PKNOX2: variants seen among roughly 807,000 people sequenced by gnomAD.
PKNOX2 encodes the protein homeobox protein PKNOX2.
Under a neutral mutation model 53.1 loss-of-function variants are expected in PKNOX2, and 14 were observed. That is an observed-to-expected ratio of 0.26 (90% confidence interval 0.17 to 0.41). The LOEUF is 0.41. PKNOX2 is among the 10% of genes least tolerant of loss of function. The probability of loss-of-function intolerance (pLI) is 1.00; values close to 1 mark genes in which losing one functional copy is unlikely to be tolerated. For synonymous variants in PKNOX2, 257 were observed against 242.8 expected (o/e 1.06, Z -0.54); for missense variants, 496 against 602.8 (o/e 0.82, Z 1.85).
chr11:125,183,646 T>A (rs1019020047), intron 1 of PKNOX2, among the ~76,000 whole-genome samples: 4 of 144,336 alleles, frequency 2.8e-5, no homozygotes, highest in African/African-American at 1.0e-4. Flanking sequence ...TTTTATTAAC[T>A]TTTTTTTTTT....
chr11:125,241,627 T>C (rs1943152540), intron 2 of PKNOX2, among the ~76,000 whole-genome samples: 1 of 152,116 alleles, frequency 6.6e-6, no homozygotes, highest in African/African-American at 2.4e-5. Flanking sequence ...GAGGGCAAGG[T>C]GGGCAGATCA....
In PKNOX2 at chr11:125,240,731, A is replaced by C. The variant is rs1943080243; in HGVS notation, c.-130+5616A>C. On this transcript the variant is annotated intron_variant, in intron 2 of 12. Coordinates refer to ENST00000298282, the MANE Select transcript of PKNOX2 (RefSeq NM_001382323.2). The surrounding 1 kb of genome is among the most constrained non-coding windows in gnomAD (Gnocchi z 4.3). ...CCTCAGAGGGAGAACCGGGAGGCTT[A>C]TAAGAAGGTTCTGAAGGGTTTCCAA... 1.3e-5 allele frequency among the ~76,000 whole-genome samples: 2 copies of C among 152,164 alleles called. No individual in the cohort carries two copies. The highest frequency in any genetic ancestry group is 1.3e-4 in the Admixed American group (2 of 15,274).
intron 3 of PKNOX2, among the ~76,000 whole-genome samples, chr11:125,337,643 G>A (rs753332904): frequency 2.0e-5 from 3 of 152,130 alleles, no homozygotes; most frequent in South Asian, 2.1e-4. Context: ...CTTTCTTAGC[G>A]CTGGGATCTT....
At chr11:125,187,213 T>C (rs182893355) in intron 1 of PKNOX2, among the ~76,000 whole-genome samples, 11 of 152,332 alleles carry the variant, frequency 7.2e-5, no homozygotes, top group Non-Finnish European at 2.9e-5. Flanking sequence ...GCAATTCCAT[T>C]TGAAGTTGAG....
chr11:125,372,338 C>T (rs774734093), intron 5 of PKNOX2, among the ~76,000 whole-genome samples: 18 of 152,058 alleles, frequency 1.2e-4, no homozygotes, highest in Non-Finnish European at 2.5e-4. Context: ...CCAAACCCCA[C>T]CTAGGGAGCC....
chr11:125,205,101 T>C (rs1346846543), intron 1 of PKNOX2, among the ~76,000 whole-genome samples: 2 of 152,246 alleles, frequency 1.3e-5, no homozygotes, highest in Non-Finnish European at 1.5e-5. Flanking sequence ...GTTCATTACA[T>C]GTTACTCCTA....
chr11:125,296,705 G>T (rs1195208315), intron 2 of PKNOX2, among the ~76,000 whole-genome samples: 1 of 152,118 alleles, frequency 6.6e-6, no homozygotes, highest in Non-Finnish European at 1.5e-5. Flanking sequence ...GCGCAATCTT[G>T]CCTCACTGCA....
intron 2 of PKNOX2, among the ~76,000 whole-genome samples, chr11:125,238,029 GC>G (rs1162483643): frequency 2.0e-5 from 3 of 152,150 alleles, no homozygotes; most frequent in African/African-American, 7.2e-5. Flanking sequence ...CTTCCCCTCT[GC>G]CACATACTAT....
At chr11:125,207,510 G>A (rs899648366) in intron 1 of PKNOX2, among the ~76,000 whole-genome samples, 5 of 152,098 alleles carry the variant, frequency 3.3e-5, no homozygotes, top group Admixed American at 2.0e-4. Context: ...AACCACAAGA[G>A]ACACAGAGAG....
chr11:125,425,012 C>A (rs950822357), intron 10 of PKNOX2, among the ~76,000 whole-genome samples: 17 of 152,174 alleles, frequency 1.1e-4, no homozygotes, highest in African/African-American at 4.1e-4. Context: ...CCTGAGACAC[C>A]TACTTGGTGT....
chr11:125,313,929 C>T lies in PKNOX2; in HGVS notation c.-129-17890C>T, dbSNP rs75888646. Among the ~76,000 whole-genome samples, 1,040 of 152,248 alleles carry T rather than the reference C, an allele frequency of 6.8e-3. 14 individuals carry two copies. The highest frequency in any genetic ancestry group is 0.024 in the African/African-American group (985 of 41,542). Reference sequence around the variant, plus strand: ...GATGCAATTGGATGTTAGTACTTACCGCACAGGATGGAGTGCAGCCCTGTG... The same window carrying T: ...GATGCAATTGGATGTTAGTACTTACTGCACAGGATGGAGTGCAGCCCTGTG... On this transcript the variant is annotated intron_variant, in intron 2 of 12. Coordinates refer to ENST00000298282, the MANE Select transcript of PKNOX2 (RefSeq NM_001382323.2).
chr11:125,180,200 A>T (rs1487336438), intron 1 of PKNOX2, among the ~76,000 whole-genome samples: 1 of 152,162 alleles, frequency 6.6e-6, no homozygotes. Flanking sequence ...CATCTCAATG[A>T]GGCTTTCCTC....
At chr11:125,386,565 A>G (rs539063907) in intron 6 of PKNOX2, among the ~76,000 whole-genome samples, 1 of 152,340 alleles carries the variant, frequency 6.6e-6, no homozygotes, top group African/African-American at 2.4e-5. Flanking sequence ...GGTTATGCAC[A>G]GTGAATTTAG....
chr11:125,329,295 C>T (rs1032093171), intron 2 of PKNOX2, among the ~76,000 whole-genome samples: 3 of 152,342 alleles, frequency 2.0e-5, no homozygotes, highest in African/African-American at 7.2e-5. Flanking sequence ...CAAATATTAA[C>T]TGTAGCTTAT....
intron 2 of PKNOX2, among the ~76,000 whole-genome samples, chr11:125,325,630 G>C (rs993320238): frequency 6.6e-6 from 1 of 152,190 alleles, no homozygotes; most frequent in African/African-American, 2.4e-5. Flanking sequence ...CTCAGTCTAC[G>C]TCATTGCCAA....
At chr11:125,372,217 A>G (rs1749193341) in intron 5 of PKNOX2, among the ~76,000 whole-genome samples, 1 of 152,170 alleles carries the variant, frequency 6.6e-6, no homozygotes, top group Admixed American at 6.5e-5. Flanking sequence ...TCCGATTCGT[A>G]GCATTTGCTG....
At chr11:125,341,988 G>T (rs1353299716) in intron 3 of PKNOX2, among the ~76,000 whole-genome samples, 1 of 152,202 alleles carries the variant, frequency 6.6e-6, no homozygotes. Context: ...TCCTCTAGCC[G>T]ATCCCATTGC....
intron 2 of PKNOX2, chr11:125,288,277 G>A (rs928265071): frequency 1.2e-4 from 18 of 152,210 alleles, no homozygotes; most frequent in African/African-American, 4.3e-4. Flanking sequence ...AATCAGTGGG[G>A]AGCTTTTGAA....
intron 7 of PKNOX2, among the ~76,000 whole-genome samples, chr11:125,405,105 A>G (rs950416480): frequency 1.3e-5 from 2 of 151,352 alleles, no homozygotes; most frequent in Admixed American, 6.6e-5. Context: ...ACTGCACCCC[A>G]CTCCGGCCAC....
Sources: gnomAD v4.1 joint callset for allele counts (sites outside exome capture counted in the v4.1 genomes callset) on GRCh38, gnomAD v4.1.1 for gene constraint, Gnocchi (gnomAD v3.1) non-coding constraint, MANE v1.5 for transcripts, NCBI Gene and HGNC (gene_info 2026-07-23, HGNC 2026-07-21) for gene names.